AGAP1: variants seen among roughly 807,000 people sequenced by gnomAD.
The protein encoded by AGAP1 is arf-GAP with GTPase, ANK repeat and PH domain-containing protein 1.
AGAP1 carries 29 observed loss-of-function variants against 105.3 expected under a neutral mutation model. That is an observed-to-expected ratio of 0.28 (90% CI 0.21 to 0.38). AGAP1 has a LOEUF of 0.38. AGAP1 is among the 10% of genes least tolerant of loss of function. The probability of loss-of-function intolerance (pLI) is 1.00; values close to 1 mark genes in which losing one functional copy is unlikely to be tolerated. For synonymous variants in AGAP1, 509 were observed against 485.9 expected, an observed-to-expected ratio of 1.05 and a Z score of -0.63; for missense variants, 998 against 1,165.1, an observed-to-expected ratio of 0.86 and a Z score of 2.09.
chr2:236,075,973 G>A (rs893624408), intron 16 of AGAP1, among the ~76,000 whole-genome samples: 3 of 152,214 alleles, frequency 2.0e-5, no homozygotes, highest in Non-Finnish European at 2.9e-5. Flanking sequence ...CCGGGGCAGC[G>A]TGGGTCACCC....
At position 235,949,708 on chromosome 2, in the gene AGAP1, G is replaced by A. The variant is rs565227093; in HGVS notation, c.1484-18754G>A. On this transcript the variant is annotated intron_variant, in intron 12 of 17. Coordinates refer to ENST00000304032, the MANE Select transcript of AGAP1 (RefSeq NM_001037131.3). ...ATCTTTCCATTTTCCACTTATCCTCGTAAAACAAAAGCAAAACATGAGTTG... is the reference window on the plus strand; with the variant it reads ...ATCTTTCCATTTTCCACTTATCCTCATAAAACAAAAGCAAAACATGAGTTG... Among the ~76,000 whole-genome samples the A allele has an allele frequency of 5.3e-5, 8 of 152,094 alleles. No individual in the cohort carries two copies. The South Asian group carries it at 1.5e-3, about 28-fold the overall frequency.
chr2:235,916,632 T>G (rs1342018581), intron 11 of AGAP1, among the ~76,000 whole-genome samples: 2 of 152,174 alleles, frequency 1.3e-5, no homozygotes, highest in Non-Finnish European at 2.9e-5. Flanking sequence ...CTTCCTTGTT[T>G]TTAAAATGGG....
intron 1 of AGAP1, among the ~76,000 whole-genome samples, chr2:235,567,430 T>G (rs935974814): frequency 2.6e-5 from 4 of 152,294 alleles, no homozygotes; most frequent in African/African-American, 9.6e-5. Flanking sequence ...ACCTGCCTGG[T>G]CATCCTCTGC....
In AGAP1 at chr2:235,855,161, T is replaced by A. The variant is rs1229728726; in HGVS notation, c.1051-28184T>A. On this transcript the variant is annotated intron_variant, in intron 9 of 17. Transcript: ENST00000304032. This position sits in a 1 kb window ranked among gnomAD's most constrained non-coding sequence, Gnocchi z 5.0. ...GTCTGTGATGTTCAACAAACCAGCC[T>A]CATCAGGCCCCAGGTGGAAAATCGG... Among the ~76,000 whole-genome samples, 1 of 152,218 alleles carries A rather than the reference T, an allele frequency of 6.6e-6. No homozygotes were observed. The highest frequency in any genetic ancestry group is 6.5e-5 in the Admixed American group (1 of 15,284).
Position 235,963,103 on chromosome 2 carries a change from T to C in AGAP1, c.1484-5359T>C, listed in dbSNP as rs977134875. On this transcript the variant is annotated intron_variant, in intron 12 of 17. Transcript: ENST00000304032. The surrounding 1 kb of genome is among the most constrained non-coding windows in gnomAD (Gnocchi z 5.1). The stretch of plus-strand genomic sequence containing the variant: ...TTAGAGGAAGGTGGGTGGTGGTATT[T>C]CCAAGTGCTGTCTCCTTCCCAAGAC... 2.0e-5 allele frequency among the ~76,000 whole-genome samples: 3 copies of C among 152,152 alleles called. No individual in the cohort carries two copies. The highest frequency in any genetic ancestry group is 4.4e-5 in the Non-Finnish European group (3 of 68,026).
chr2:235,848,019 A>G (rs1355279737), intron 9 of AGAP1, among the ~76,000 whole-genome samples: 2 of 152,250 alleles, frequency 1.3e-5, no homozygotes, highest in Non-Finnish European at 2.9e-5. Flanking sequence ...AGCAAATGCC[A>G]TTCACAGCCT....
At position 235,691,936 on chromosome 2, in the gene AGAP1, T is replaced by C. The variant is rs972432604; in HGVS notation, c.164-17243T>C. Reference sequence around the variant, plus strand: ...CTAGTAGAAACAGACATGCAGCATATTGTGAAATGTTTCAGAGAAATAACA... The same window carrying C: ...CTAGTAGAAACAGACATGCAGCATACTGTGAAATGTTTCAGAGAAATAACA... On this transcript the variant is annotated intron_variant, in intron 1 of 17. Transcript: ENST00000304032. This position sits in a 1 kb window ranked among gnomAD's most constrained non-coding sequence, Gnocchi z 4.4. Among the ~76,000 whole-genome samples the C allele has an allele frequency of 6.6e-6, 1 of 152,176 alleles. No homozygotes were observed. The highest frequency in any genetic ancestry group is 2.4e-5 in the African/African-American group (1 of 41,424).
At position 235,992,690 on chromosome 2, in the gene AGAP1, C is replaced by G. The variant is rs566665546; in HGVS notation, c.1645+24067C>G. Among the ~76,000 whole-genome samples, 1 of 152,202 alleles carries G rather than the reference C, an allele frequency of 6.6e-6. No homozygotes were observed. The highest frequency in any genetic ancestry group is 2.4e-5 in the African/African-American group (1 of 41,452). ...GCATTGAACCACATTTTTAAGGTGA[C>G]TCTTCAACTCACCAAGAATATCGTG... On this transcript the variant is annotated intron_variant, in intron 13 of 17. Transcript: ENST00000304032. The surrounding 1 kb of genome is among the most constrained non-coding windows in gnomAD (Gnocchi z 4.8).
At chr2:236,079,659 G>A (rs981700920) in intron 16 of AGAP1, among the ~76,000 whole-genome samples, 1 of 152,100 alleles carries the variant, frequency 6.6e-6, no homozygotes, top group African/African-American at 2.4e-5. Flanking sequence ...CAGACAGGAG[G>A]AAGTGGGTTG....
At chr2:235,518,505 CCT>C (rs946064297) in intron 1 of AGAP1, among the ~76,000 whole-genome samples, 191 of 152,306 alleles carry the variant, frequency 1.3e-3, no homozygotes, top group African/African-American at 4.4e-3. Context: ...CCTTGGATTT[CCT>C]CTGTTTCTGA....
chr2:235,554,248 C>T (rs1574836082), intron 1 of AGAP1, among the ~76,000 whole-genome samples: 1 of 152,252 alleles, frequency 6.6e-6, no homozygotes, highest in South Asian at 2.1e-4. Flanking sequence ...GGTGCTCACG[C>T]TGAAGCAGAG....
intron 1 of AGAP1, among the ~76,000 whole-genome samples, chr2:235,628,924 G>T (rs1946730178): frequency 6.6e-6 from 1 of 152,026 alleles, no homozygotes; most frequent in Non-Finnish European, 1.5e-5. Context: ...CAATTCTCCT[G>T]CCTTAGCCTC....
intron 11 of AGAP1, among the ~76,000 whole-genome samples, chr2:235,910,012 C>CT (rs912011117): frequency 1.1e-4 from 9 of 80,230 alleles, no homozygotes; most frequent in African/African-American, 4.1e-4. Flanking sequence ...CAGCGAGACT[C>CT]TATCTCAAAA....
In AGAP1 at chr2:235,992,864, C is replaced by T. The variant is rs1013287153; in HGVS notation, c.1645+24241C>T. ...TTGTTTCATGGCCTTTGCAGTTGAG[C>T]TTGTGTTGGCCTCTTTCCGTCGTGA... On this transcript the variant is annotated intron_variant, in intron 13 of 17. Transcript: ENST00000304032. This position sits in a 1 kb window ranked among gnomAD's most constrained non-coding sequence, Gnocchi z 4.8. Among the ~76,000 whole-genome samples, 18 of 152,162 alleles carry T rather than the reference C, an allele frequency of 1.2e-4. No individual in the cohort carries two copies. The highest frequency in any genetic ancestry group is 1.7e-4 in the African/African-American group (7 of 41,440).
intron 1 of AGAP1, among the ~76,000 whole-genome samples, chr2:235,511,877 T>TG (rs1156714094): frequency 3.1e-5 from 1 of 32,644 alleles, no homozygotes; most frequent in African/African-American, 1.5e-4. Context: ...TGTGTGTATG[T>TG]GAATGTGTGT....
intron 6 of AGAP1, among the ~76,000 whole-genome samples, chr2:235,772,896 G>A (rs971743261): frequency 1.3e-5 from 2 of 152,144 alleles, no homozygotes; most frequent in East Asian, 1.9e-4. Context: ...TAAAGCTGTC[G>A]GGATGGCTCT....
At position 235,716,966 on chromosome 2, in the gene AGAP1, C is replaced by T. The variant is rs973266938; in HGVS notation, c.223-591C>T. On this transcript the variant is annotated intron_variant, in intron 2 of 17. Transcript: ENST00000304032. The surrounding 1 kb of genome is among the most constrained non-coding windows in gnomAD (Gnocchi z 4.0). Reference sequence around the variant, plus strand: ...AGCCCTGGCACTGTCCCCTTTTTCTCGGAGATGCCTTGGTGGGTCCTGTGT... The same window carrying T: ...AGCCCTGGCACTGTCCCCTTTTTCTTGGAGATGCCTTGGTGGGTCCTGTGT... Among the ~76,000 whole-genome samples, 9 of 152,060 alleles carry T rather than the reference C, an allele frequency of 5.9e-5. No homozygotes were observed. The highest frequency in any genetic ancestry group is 9.7e-5 in the African/African-American group (4 of 41,416).
rs915817014 is a variant in AGAP1, at chr2:235,963,469, T to C, written c.1484-4993T>C. 6.6e-6 allele frequency among the ~76,000 whole-genome samples: 1 copy of C among 152,156 alleles called. No individual in the cohort carries two copies. The highest frequency in any genetic ancestry group is 1.5e-5 in the Non-Finnish European group (1 of 68,026). On this transcript the variant is annotated intron_variant, in intron 12 of 17. Coordinates refer to ENST00000304032, the MANE Select transcript of AGAP1 (RefSeq NM_001037131.3). The surrounding 1 kb of genome is among the most constrained non-coding windows in gnomAD (Gnocchi z 5.1). Reference sequence around the variant, plus strand: ...GTTTATTAAAGAGAATGAATAGACATCAAATAGATGGCCCTTTATCGTTTT... The same window carrying C: ...GTTTATTAAAGAGAATGAATAGACACCAAATAGATGGCCCTTTATCGTTTT...
rs1395183551 is a variant in AGAP1 at position 235,971,225 on chromosome 2, C to T, written c.1645+2602C>T. Among the ~76,000 whole-genome samples the T allele has an allele frequency of 2.0e-5, 3 of 152,278 alleles. No individual in the cohort carries two copies. The East Asian group carries it at 5.8e-4, about 29-fold the overall frequency. ...CTAGGAAAAGTTACTTATCAGACTACAAATGAGTCACTTTTGTGAAAAAGT... is the reference window on the plus strand; with the variant it reads ...CTAGGAAAAGTTACTTATCAGACTATAAATGAGTCACTTTTGTGAAAAAGT... On this transcript the variant is annotated intron_variant, in intron 13 of 17. Coordinates refer to ENST00000304032, the MANE Select transcript of AGAP1 (RefSeq NM_001037131.3). The surrounding 1 kb of genome is among the most constrained non-coding windows in gnomAD (Gnocchi z 4.8).
Sources: allele counts gnomAD v4.1 joint callset (sites outside exome capture counted in the v4.1 genomes callset), GRCh38; gene constraint gnomAD v4.1.1; non-coding constraint Gnocchi (gnomAD v3.1); transcripts MANE v1.5; gene names NCBI Gene and HGNC (gene_info 2026-07-23, HGNC 2026-07-21).